CELF2: variants seen among roughly 807,000 people sequenced by gnomAD.
CELF2 encodes the protein CUG triplet repeat RNA-binding protein 2.
In CELF2, 8 loss-of-function variants were observed where a neutral mutation model predicts 62.6. The observed-to-expected ratio is 0.13, with a 90% CI of 0.07 to 0.23. The LOEUF (loss-of-function observed/expected upper bound fraction) is 0.23, where lower values mean the gene tolerates loss of function less well. Among genes scored for constraint, CELF2 ranks in the 10% least tolerant of loss-of-function variants. The probability of loss-of-function intolerance (pLI) is 1.00; values close to 1 mark genes in which losing one functional copy is unlikely to be tolerated. For synonymous variants in CELF2, 258 were observed against 250.0 expected (o/e 1.03, Z -0.30); for missense variants, 333 against 671.0 (o/e 0.50, Z 5.56).
At chr10:10,664,575 T>G in the CELF2 span, among the ~76,000 whole-genome samples, 95 of 152,364 alleles carry the variant, frequency 6.2e-4, no homozygotes, top group African/African-American at 2.3e-3. Context: ...GCATATACTT[T>G]TTTCAATTTC....
At chr10:10,588,443 G>A in the CELF2 span, among the ~76,000 whole-genome samples, 2 of 152,142 alleles carry the variant, frequency 1.3e-5, no homozygotes, top group Non-Finnish European at 2.9e-5. Context: ...TGAACTTGAG[G>A]TTGGTCCAAA....
Position 11,165,023 on chromosome 10 carries a change from C to A in CELF2, c.75-463C>A. On this transcript the variant is annotated intron_variant, in intron 1 of 12. Transcript: ENST00000633077. This position sits in a 1 kb window ranked among gnomAD's most constrained non-coding sequence, Gnocchi z 7.4. ...CCACCTCTCTCCTCTCTTCCAAAAACCTCCCAAAAAGGGCGGTGGGGCGGG... is the reference window on the plus strand; with the variant it reads ...CCACCTCTCTCCTCTCTTCCAAAAAACTCCCAAAAAGGGCGGTGGGGCGGG... The A allele has an allele frequency of 1.0e-6, 1 of 977,606 alleles. No individual in the cohort carries two copies. Among genetic ancestry groups the A allele is most frequent in the Non-Finnish European group, 1.2e-6 (1 of 822,252 alleles). The allele number at this position is 977,606 out of a possible 1,614,324, so 60.6% of individuals were successfully genotyped here.
intron 1 of CELF2, among the ~76,000 whole-genome samples, chr10:11,102,907 G>A (rs2052156655): frequency 6.6e-6 from 1 of 151,742 alleles, no homozygotes; most frequent in African/African-American, 2.4e-5. Flanking sequence ...TCTTTTCATC[G>A]TTTATGGACA....
At position 11,095,976 on chromosome 10, in the gene CELF2, T is replaced by A. The variant is rs112372487; in HGVS notation, c.75-69510T>A. ...TTGCCATATGTATTGAACATTATCA[T>A]GAAAGTATGTCTGGACACCTACCTC... On this transcript the variant is annotated intron_variant, in intron 1 of 12. Transcript: ENST00000633077. Among the ~76,000 whole-genome samples, 356 of 152,340 alleles carry A rather than the reference T, an allele frequency of 2.3e-3. 1 individual carries two copies. The highest frequency in any genetic ancestry group is 8.1e-3 in the African/African-American group (338 of 41,580).
chr10:10,960,552 C>T (rs191260514), intron 2 of CELF2, among the ~76,000 whole-genome samples: 18 of 152,294 alleles, frequency 1.2e-4, no homozygotes, highest in African/African-American at 3.8e-4. Flanking sequence ...CTTGATTCAT[C>T]GGAGAAAGAT....
At chr10:10,728,627 G>C in the CELF2 span, among the ~76,000 whole-genome samples, 1 of 151,982 alleles carries the variant, frequency 6.6e-6, no homozygotes, top group Admixed American at 6.6e-5. Context: ...AGAGGGTGGG[G>C]GACAGCAGGA....
rs201065 is a variant in CELF2 at position 10,947,641 on chromosome 10, C to T, written c.89+27642C>T. On this transcript the variant is annotated intron_variant, in intron 2 of 13. Transcript: ENST00000636488. This position sits in a 1 kb window ranked among gnomAD's most constrained non-coding sequence, Gnocchi z 4.1. ...GAACAATGCCTGGCTTTCAAGTTTA[C>T]AGAATAAAGAAATGTATGAGGGGAT... is the stretch of plus-strand genomic sequence containing the variant. 84,683 of 152,448 alleles carry T rather than the reference C, an allele frequency of 0.56. 25,724 individuals carry two copies. Among genetic ancestry groups the T allele is most frequent in the East Asian group, 0.8 (4,114 of 5,172 alleles). The allele number at this position is 152,448 out of a possible 1,614,324, so 9.4% of individuals were successfully genotyped here.
chr10:11,303,567 T>C (rs779133431), intron 9 of CELF2, among the ~76,000 whole-genome samples: 6 of 152,224 alleles, frequency 3.9e-5, no homozygotes, highest in Non-Finnish European at 8.8e-5. Flanking sequence ...AGTGCCGCCT[T>C]CTTGGATTGC....
chr10:10,675,186 T>C, the CELF2 span, among the ~76,000 whole-genome samples: 1 of 152,190 alleles, frequency 6.6e-6, no homozygotes, highest in Non-Finnish European at 1.5e-5. Context: ...AGCAACAAAT[T>C]CCCTCAATTT....
intron 1 of CELF2, among the ~76,000 whole-genome samples, chr10:10,837,306 C>T (rs2058363392): frequency 6.6e-6 from 1 of 152,220 alleles, no homozygotes; most frequent in Non-Finnish European, 1.5e-5. Flanking sequence ...CTCTCATTTT[C>T]TGTCTTGCCT....
rs977619757 is a variant in CELF2 at position 11,244,386 on chromosome 10, G to A, written c.355-4767G>A. Among the ~76,000 whole-genome samples the A allele has an allele frequency of 6.6e-6, 1 of 152,214 alleles. No individual in the cohort carries two copies. The highest frequency in any genetic ancestry group is 1.5e-5 in the Non-Finnish European group (1 of 68,038). On this transcript the variant is annotated intron_variant, in intron 3 of 12. Coordinates refer to ENST00000633077, the MANE Select transcript of CELF2 (RefSeq NM_001326342.2). The surrounding 1 kb of genome is among the most constrained non-coding windows in gnomAD (Gnocchi z 4.2). ...CAACTTCCATTGGCCGGGCGTGGTGGCTCACGCCTATAATCCCAGCACTTT... is the reference window on the plus strand; with the variant it reads ...CAACTTCCATTGGCCGGGCGTGGTGACTCACGCCTATAATCCCAGCACTTT...
chr10:10,501,262 T>C, the CELF2 span, among the ~76,000 whole-genome samples: 1 of 152,222 alleles, frequency 6.6e-6, no homozygotes, highest in Admixed American at 6.5e-5. Flanking sequence ...TCCTTACCAG[T>C]ATTTGAATTT....
intron 9 of CELF2, among the ~76,000 whole-genome samples, chr10:11,307,184 C>T (rs1362918436): frequency 1.3e-5 from 2 of 152,270 alleles, no homozygotes; most frequent in East Asian, 3.8e-4. Context: ...AGCGCCTCTT[C>T]TCCCTTGCCC....
At position 11,280,300 on chromosome 10, in the gene CELF2, G is replaced by A. The variant is rs866005069; in HGVS notation, c.841+5180G>A. Among the ~76,000 whole-genome samples, 44 of 152,332 alleles carry A rather than the reference G, an allele frequency of 2.9e-4. No homozygotes were observed. Among genetic ancestry groups the A allele is most frequent in the African/African-American group, 8.7e-4 (36 of 41,572 alleles). ...GGCCCCGCGCCCCATCCAGGAGCAG[G>A]CCTGCGCCTGACACCTGTGCCCGAG... On this transcript the variant is annotated intron_variant, in intron 8 of 12. Coordinates refer to ENST00000633077, the MANE Select transcript of CELF2 (RefSeq NM_001326342.2). The surrounding 1 kb of genome is among the most constrained non-coding windows in gnomAD (Gnocchi z 7.6).
At chr10:10,642,744 A>G in the CELF2 span, among the ~76,000 whole-genome samples, 1 of 152,268 alleles carries the variant, frequency 6.6e-6, no homozygotes, top group Non-Finnish European at 1.5e-5. Flanking sequence ...TTCCCAGAAG[A>G]GTACGTTGAT....
chr10:10,625,097 CT>C, the CELF2 span, among the ~76,000 whole-genome samples: 1 of 152,124 alleles, frequency 6.6e-6, no homozygotes, highest in Admixed American at 6.5e-5. Context: ...TTCTTTTTCC[CT>C]TAAAGTTCTC....
chr10:10,886,962 G>T (rs567310783), intron 1 of CELF2, among the ~76,000 whole-genome samples: 1 of 152,166 alleles, frequency 6.6e-6, no homozygotes, highest in Non-Finnish European at 1.5e-5. Context: ...TGGGGTGTGG[G>T]GTGGGAGAGG....
At chr10:10,566,342 G>A in the CELF2 span, among the ~76,000 whole-genome samples, 23 of 150,808 alleles carry the variant, frequency 1.5e-4, no homozygotes, top group Middle Eastern at 7.0e-3. Flanking sequence ...GCCAGTGATT[G>A]TGCTGCTCTA....
intron 1 of CELF2, among the ~76,000 whole-genome samples, chr10:10,813,800 CG>C (rs1174903349): frequency 6.6e-6 from 1 of 152,142 alleles, no homozygotes; most frequent in Non-Finnish European, 1.5e-5. Context: ...GGCCATGGGC[CG>C]TGGTTTGCTA....
Sources: allele counts gnomAD v4.1 joint callset (sites outside exome capture counted in the v4.1 genomes callset), GRCh38; gene constraint gnomAD v4.1.1; non-coding constraint Gnocchi (gnomAD v3.1); transcripts MANE v1.5; gene names NCBI Gene and HGNC (gene_info 2026-07-23, HGNC 2026-07-21).